CHCHD3: variants seen among roughly 807,000 people sequenced by gnomAD.
CHCHD3 encodes the protein coiled-coil-helix-coiled-coil-helix domain containing 3.
In CHCHD3, 20 loss-of-function variants were observed where a neutral mutation model predicts 38.2. The observed-to-expected ratio is 0.52, with a 90% CI of 0.37 to 0.76. The LOEUF (loss-of-function observed/expected upper bound fraction) is 0.76. Among genes scored for constraint, CHCHD3 ranks in the 30% least tolerant of loss-of-function variants. The pLI is 0.00. For synonymous variants in CHCHD3, 82 were observed against 100.0 expected, an observed-to-expected ratio of 0.82 and a Z score of 1.07; for missense variants, 245 against 279.2, an observed-to-expected ratio of 0.88 and a Z score of 0.87.
At chr7:132,948,822 G>T (rs1450263428) in intron 4 of CHCHD3, among the ~76,000 whole-genome samples, 2 of 152,096 alleles carry the variant, frequency 1.3e-5, no homozygotes, top group Non-Finnish European at 2.9e-5. Flanking sequence ...GGATAATGTT[G>T]CTTTTCACTT....
In CHCHD3 at chr7:132,795,998, G is replaced by A. The variant is rs143211334; in HGVS notation, c.660+444C>T. Among the ~76,000 whole-genome samples, 69 of 151,968 alleles carry A rather than the reference G, an allele frequency of 4.5e-4. No individual in the cohort carries two copies. The Middle Eastern group carries it at 0.014, about 30-fold the overall frequency. On this transcript the variant is annotated intron_variant, in intron 7 of 7. Coordinates refer to ENST00000262570, the MANE Select transcript of CHCHD3 (RefSeq NM_017812.4). Reference sequence around the variant, plus strand: ...GTGAACTCTATCAACTGGTGGAAGCGTTGGACAGTGACTGAACGGTGGTGT... The same window carrying A: ...GTGAACTCTATCAACTGGTGGAAGCATTGGACAGTGACTGAACGGTGGTGT...
intron 6 of CHCHD3, among the ~76,000 whole-genome samples, chr7:132,837,246 T>C (rs1226292627): frequency 2.0e-5 from 3 of 152,064 alleles, no homozygotes; most frequent in Admixed American, 6.5e-5. Context: ...CAAAAAAAGG[T>C]TTACCACCTA....
In CHCHD3 at chr7:132,798,318, C is replaced by T. The variant is rs1236887704; in HGVS notation, c.525-1741G>A. Among the ~76,000 whole-genome samples, 3 of 152,168 alleles carry T rather than the reference C, an allele frequency of 2.0e-5. No homozygotes were observed. In the East Asian group the frequency reaches 5.8e-4, roughly 29 times the overall value. On this transcript the variant is annotated intron_variant, in intron 6 of 7. Transcript: ENST00000262570. ...CTAAGAACAGAATTAAATAGAATCCCAGGAGTTTCCATGCTTTAAGATTTC... is the reference window on the plus strand; with the variant it reads ...CTAAGAACAGAATTAAATAGAATCCTAGGAGTTTCCATGCTTTAAGATTTC...
chr7:133,011,143 G>A (rs1266741502), intron 3 of CHCHD3, among the ~76,000 whole-genome samples: 1 of 152,170 alleles, frequency 6.6e-6, no homozygotes, highest in Non-Finnish European at 1.5e-5. Context: ...TGTGGCCGAA[G>A]TGTTCAATGA....
At chr7:133,025,124 G>T (rs1268985143) in intron 2 of CHCHD3, among the ~76,000 whole-genome samples, 1 of 152,120 alleles carries the variant, frequency 6.6e-6, no homozygotes, top group Non-Finnish European at 1.5e-5. Context: ...AAAGCCATTT[G>T]TCATTTATGA....
At position 132,842,666 on chromosome 7, in the gene CHCHD3, T is replaced by C. The variant is rs1273926812; in HGVS notation, c.454-4197A>G. On this transcript the variant is annotated intron_variant, in intron 5 of 7. Transcript: ENST00000262570. ...CTTCTGAAGAATACTGGTCAGATAT[T>C]TTGTAGAGTGACTCGTGATTTGGGC... is the stretch of plus-strand genomic sequence containing the variant. Among the ~76,000 whole-genome samples, 3 of 152,188 alleles carry C rather than the reference T, an allele frequency of 2.0e-5. No individual in the cohort carries two copies. In the East Asian group the frequency reaches 5.8e-4, roughly 29 times the overall value.
chr7:133,072,426 T>C (rs1210821638), intron 1 of CHCHD3, among the ~76,000 whole-genome samples: 1 of 152,134 alleles, frequency 6.6e-6, no homozygotes, highest in East Asian at 1.9e-4. Context: ...ATAGATACTT[T>C]TGTATCTCTA....
chr7:132,993,066 G>T (rs1312254834), intron 3 of CHCHD3, among the ~76,000 whole-genome samples: 1 of 152,146 alleles, frequency 6.6e-6, no homozygotes. Flanking sequence ...AACCCAGGCT[G>T]ATCCCATTTC....
intron 3 of CHCHD3, among the ~76,000 whole-genome samples, chr7:133,022,807 C>T (rs1224726727): frequency 1.3e-5 from 2 of 148,416 alleles, no homozygotes; most frequent in Non-Finnish European, 3.0e-5. Context: ...TGCCCTTTCC[C>T]TTTCATGAGC....
intron 2 of CHCHD3, among the ~76,000 whole-genome samples, chr7:133,067,280 AT>A (rs1168425380): frequency 5.9e-5 from 9 of 152,318 alleles, no homozygotes; most frequent in Admixed American, 2.0e-4. Context: ...AGGAAAAAAA[AT>A]CTACCTACAA....
chr7:132,927,176 T>C (rs1197700029), intron 4 of CHCHD3, among the ~76,000 whole-genome samples: 2 of 152,210 alleles, frequency 1.3e-5, no homozygotes, highest in African/African-American at 2.4e-5. Flanking sequence ...TATTAGCTCA[T>C]TGCCCAAAAT....
In CHCHD3 at chr7:133,035,994, T is replaced by G; in HGVS notation, c.170-11367A>C. The stretch of plus-strand genomic sequence containing the variant: ...GTAGGGGTCCTTAGGGGAACTGTTT[T>G]AATGAAACTAGTAATTAGAATACCA... On this transcript the variant is annotated intron_variant, in intron 2 of 7. Coordinates refer to ENST00000262570, the MANE Select transcript of CHCHD3 (RefSeq NM_017812.4). This position sits in a 1 kb window ranked among gnomAD's most constrained non-coding sequence, Gnocchi z 4.7. 1 of 947,768 alleles carries G rather than the reference T, an allele frequency of 1.1e-6. No individual in the cohort carries two copies. Among genetic ancestry groups the G allele is most frequent in the Non-Finnish European group, 1.7e-6 (1 of 595,964 alleles). The allele number at this position is 947,768 out of a possible 1,614,324, so 58.7% of individuals were successfully genotyped here. A position where few individuals can be genotyped will look rare whatever the true frequency, so the allele number is the denominator to read the frequency against.
rs538385480 is a variant in CHCHD3, at chr7:133,007,165, T to C, written c.251+17381A>G. Among the ~76,000 whole-genome samples the C allele has an allele frequency of 1.8e-4, 27 of 152,340 alleles. 1 individual carries two copies. The South Asian group carries it at 2.7e-3, about 15-fold the overall frequency. On this transcript the variant is annotated intron_variant, in intron 3 of 7. Transcript: ENST00000262570. The stretch of plus-strand genomic sequence containing the variant: ...CTTGTGATTTTCACTTTGATCTATA[T>C]TGATAGGTACTAGGAAGCTGTTACA...
chr7:132,980,382 T>C (rs1008004156), intron 3 of CHCHD3, among the ~76,000 whole-genome samples: 6 of 152,246 alleles, frequency 3.9e-5, no homozygotes, highest in African/African-American at 7.2e-5. Flanking sequence ...TTTTTATTTA[T>C]TGGCATTTCC....
chr7:132,930,047 A>T (rs1810478642), intron 4 of CHCHD3, among the ~76,000 whole-genome samples: 1 of 152,212 alleles, frequency 6.6e-6, no homozygotes, highest in Admixed American at 6.5e-5. Flanking sequence ...CTGGTTCAAA[A>T]TAAACCTAAG....
intron 5 of CHCHD3, among the ~76,000 whole-genome samples, chr7:132,860,206 G>A (rs1808448708): frequency 6.6e-6 from 1 of 152,036 alleles, no homozygotes; most frequent in African/African-American, 2.4e-5. Context: ...CCAGGAGGTT[G>A]TGGCGAGCCA....
intron 3 of CHCHD3, among the ~76,000 whole-genome samples, chr7:132,992,996 T>C (rs1190662011): frequency 6.6e-6 from 1 of 152,234 alleles, no homozygotes; most frequent in African/African-American, 2.4e-5. Flanking sequence ...ATTGTGGGCT[T>C]GCAGTCCTTT....
intron 3 of CHCHD3, among the ~76,000 whole-genome samples, chr7:132,982,027 C>T (rs1811930900): frequency 6.6e-6 from 1 of 152,114 alleles, no homozygotes; most frequent in African/African-American, 2.4e-5. Context: ...TTTGTCAGAA[C>T]CTGCCGAACC....
At chr7:132,991,801 T>C (rs1427329891) in intron 3 of CHCHD3, among the ~76,000 whole-genome samples, 1 of 152,232 alleles carries the variant, frequency 6.6e-6, no homozygotes, top group East Asian at 1.9e-4. Flanking sequence ...ATTAGCACTT[T>C]ATGAGACAAT....
Sources: allele counts gnomAD v4.1 joint callset (sites outside exome capture counted in the v4.1 genomes callset), GRCh38; gene constraint gnomAD v4.1.1; non-coding constraint Gnocchi (gnomAD v3.1); transcripts MANE v1.5; gene names NCBI Gene and HGNC (gene_info 2026-07-23, HGNC 2026-07-21).